The following ADAMTS19 variants were observed in gnomAD, a reference collection of about 807,000 sequenced individuals.
ADAMTS19 encodes A disintegrin and metalloproteinase with thrombospondin motifs 19.
A neutral mutation model predicts 153.3 loss-of-function variants in ADAMTS19; 93 were observed. That is an observed-to-expected ratio of 0.61 (90% CI 0.51 to 0.72). The LOEUF (loss-of-function observed/expected upper bound fraction) is 0.72. Ranked by LOEUF, ADAMTS19 falls within the 30% of genes least tolerant of loss-of-function variation. ADAMTS19 has a pLI of 0.00. For missense variants in ADAMTS19, 1,482 were observed against 1,552.1 expected, an observed-to-expected ratio of 0.95 and a Z score of 0.76; for synonymous variants, 600 against 556.6, an observed-to-expected ratio of 1.08 and a Z score of -1.10.
intron 10 of ADAMTS19, among the ~76,000 whole-genome samples, chr5:129,631,725 G>GT (rs1228130695): frequency 2.0e-5 from 3 of 151,818 alleles, no homozygotes; most frequent in Non-Finnish European, 4.4e-5. Context: ...TAGTTTAAAT[G>GT]TATCTGTGTA....
intron 7 of ADAMTS19, among the ~76,000 whole-genome samples, chr5:129,565,989 T>C (rs924403069): frequency 1.3e-5 from 2 of 152,164 alleles, no homozygotes; most frequent in African/African-American, 4.8e-5. Context: ...ATACAATTTA[T>C]ATTATTTTAA....
chr5:129,673,779 A>G (rs30661), intron 16 of ADAMTS19, among the ~76,000 whole-genome samples: 22,454 of 152,112 alleles, frequency 0.15, 1,836 homozygotes, highest in East Asian at 0.3. Flanking sequence ...ATGCATTTTG[A>G]TACTTTAGCA....
At chr5:129,496,316 TG>T (rs1165906764) in intron 2 of ADAMTS19, among the ~76,000 whole-genome samples, 1 of 152,124 alleles carries the variant, frequency 6.6e-6, no homozygotes, top group African/African-American at 2.4e-5. Context: ...ATTGTCAGCC[TG>T]TATTAAAATG....
intron 3 of ADAMTS19, among the ~76,000 whole-genome samples, chr5:129,513,202 TAA>T (rs745675326): frequency 1.4e-5 from 2 of 141,388 alleles, no homozygotes; most frequent in Admixed American, 7.1e-5. Context: ...AAGTAACAAC[TAA>T]AAAAAAAAAA....
chr5:129,652,829 C>A (rs1753375843), intron 13 of ADAMTS19, among the ~76,000 whole-genome samples: 1 of 152,102 alleles, frequency 6.6e-6, no homozygotes, highest in Non-Finnish European at 1.5e-5. Flanking sequence ...ATTATATATA[C>A]CACTTTTAAA....
chr5:129,643,367 C>CAAAAAAAGAAA (rs1752897053), intron 11 of ADAMTS19, among the ~76,000 whole-genome samples: 1 of 40,354 alleles, frequency 2.5e-5, no homozygotes, highest in Non-Finnish European at 5.1e-5. Context: ...GTTTCAAAGA[C>CAAAAAAAGAAA]AAAAAAAAAA....
intron 6 of ADAMTS19, among the ~76,000 whole-genome samples, chr5:129,530,303 C>T (rs1489020471): frequency 6.6e-6 from 1 of 151,880 alleles, no homozygotes; most frequent in East Asian, 1.9e-4. Flanking sequence ...TTGGAGTCTC[C>T]GAAGGAGAGA....
chr5:129,682,422 A>C (rs1156254820), intron 17 of ADAMTS19, among the ~76,000 whole-genome samples: 3 of 152,208 alleles, frequency 2.0e-5, no homozygotes, highest in Admixed American at 2.0e-4. Context: ...GAAAGAGCTA[A>C]TGGTTTTGTA....
intron 15 of ADAMTS19, among the ~76,000 whole-genome samples, chr5:129,663,173 C>T (rs753319117): frequency 1.3e-5 from 2 of 152,084 alleles, no homozygotes; most frequent in Non-Finnish European, 1.5e-5. Flanking sequence ...GGATTATAGG[C>T]GTTAGCCACC....
At chr5:129,622,449 C>T in intron 10 of ADAMTS19, 101 bp downstream of exon 10, 4 of 1,284,614 alleles carry the variant, frequency 3.1e-6, no homozygotes, top group Non-Finnish European at 3.2e-6. Context: ...ATCAAAAGCA[C>T]CCCAATATAT....
chr5:129,486,146 G>A (rs914849623), intron 2 of ADAMTS19, among the ~76,000 whole-genome samples: 1 of 152,034 alleles, frequency 6.6e-6, no homozygotes, highest in Non-Finnish European at 1.5e-5. Flanking sequence ...AGACCCAAAT[G>A]ACTTCATTGG....
At position 129,460,357 on chromosome 5, in the gene ADAMTS19, C is replaced by T; in HGVS notation, c.-35C>T. 1 of 1,533,344 alleles carries T rather than the reference C, an allele frequency of 6.5e-7. No individual in the cohort carries two copies. The highest frequency in any genetic ancestry group is 8.9e-7 in the Non-Finnish European group (1 of 1,126,102). The allele number at this position is 1,533,344 out of a possible 1,614,324, so 95.0% of individuals were successfully genotyped here. A position where few individuals can be genotyped will look rare whatever the true frequency, so the allele number is the denominator to read the frequency against. On this transcript the variant is annotated 5_prime_UTR_variant, in exon 1 of 23. Coordinates refer to ENST00000274487, the MANE Select transcript of ADAMTS19 (RefSeq NM_133638.6). Reference sequence around the variant, plus strand: ...CGGAGTGGATCGCGCTGGAGGCGTGCGCCGGGCGAGAAGCCGCGGCCGCGG... The same window carrying T: ...CGGAGTGGATCGCGCTGGAGGCGTGTGCCGGGCGAGAAGCCGCGGCCGCGG...
chr5:129,652,379 G>A (rs1753354674), intron 13 of ADAMTS19, among the ~76,000 whole-genome samples: 1 of 152,216 alleles, frequency 6.6e-6, no homozygotes, highest in African/African-American at 2.4e-5. Flanking sequence ...AGAATTAAAT[G>A]TGGGGTAGCA....
At chr5:129,501,893 A>G (rs1751118733) in intron 2 of ADAMTS19, among the ~76,000 whole-genome samples, 1 of 152,162 alleles carries the variant, frequency 6.6e-6, no homozygotes, top group Non-Finnish European at 1.5e-5. Flanking sequence ...AACTAAAAAA[A>G]GGTACAGCCA....
At chr5:129,658,565 A>C (rs924355417) in intron 14 of ADAMTS19, 52 bp from the exon 15 acceptor site, 2 of 1,578,058 alleles carry the variant, frequency 1.3e-6, no homozygotes, top group African/African-American at 2.7e-5. Flanking sequence ...TTAGTAGTAA[A>C]ACAAGAAAAG....
intron 2 of ADAMTS19, among the ~76,000 whole-genome samples, chr5:129,504,027 C>T (rs1751190509): frequency 6.6e-6 from 1 of 152,142 alleles, no homozygotes; most frequent in African/African-American, 2.4e-5. Context: ...AGACTTATAT[C>T]CTAAGATATT....
At chr5:129,673,389 A>G (rs370012257) in intron 16 of ADAMTS19, among the ~76,000 whole-genome samples, 1 of 152,074 alleles carries the variant, frequency 6.6e-6, no homozygotes, top group African/African-American at 2.4e-5. Flanking sequence ...TATTAGCACC[A>G]TGATTTCTAC....
Position 129,461,891 on chromosome 5 carries a change from A to G in ADAMTS19, c.747+134A>G, listed in dbSNP as rs770985907. 2.3e-5 allele frequency: 29 copies of G among 1,274,594 alleles called. No individual in the cohort carries two copies. The highest frequency in any genetic ancestry group is 2.9e-5 in the Non-Finnish European group (29 of 987,808). The allele number at this position is 1,274,594 out of a possible 1,614,324, so 79.0% of individuals were successfully genotyped here. A position where few individuals can be genotyped will look rare whatever the true frequency, so the allele number is the denominator to read the frequency against. Reference sequence around the variant, plus strand: ...GAGCTTGGCCCTAGACTGCACCCCCAGGTGTCTACATCGTTTGCCTCCCAT... The same window carrying G: ...GAGCTTGGCCCTAGACTGCACCCCCGGGTGTCTACATCGTTTGCCTCCCAT... On this transcript the variant is annotated intron_variant, in intron 2 of 22. Transcript: ENST00000274487. This position sits in a 1 kb window ranked among gnomAD's most constrained non-coding sequence, Gnocchi z 4.6.
chr5:129,594,764 A>C (rs1387779664), intron 7 of ADAMTS19, among the ~76,000 whole-genome samples: 1 of 152,060 alleles, frequency 6.6e-6, no homozygotes, highest in African/African-American at 2.4e-5. Context: ...AACTATAATA[A>C]AAATATGATT....
Sources: gnomAD v4.1 joint callset for allele counts (sites outside exome capture counted in the v4.1 genomes callset) on GRCh38, gnomAD v4.1.1 for gene constraint, Gnocchi (gnomAD v3.1) non-coding constraint, MANE v1.5 for transcripts, NCBI Gene and HGNC (gene_info 2026-07-23, HGNC 2026-07-21) for gene names.